Variants in MAGI2 observed in about 807,000 individuals in gnomAD.
The protein encoded by MAGI2 is membrane-associated guanylate kinase, WW and PDZ domain-containing protein 2.
In MAGI2, 35 loss-of-function variants were observed where a neutral mutation model predicts 133.3. The ratio of observed to expected loss-of-function variants is 0.26; its 90% CI spans 0.20 to 0.35. The LOEUF is 0.35. Among genes scored for constraint, MAGI2 ranks in the 10% least tolerant of loss-of-function variants. The probability of loss-of-function intolerance (pLI) is 1.00; values close to 1 mark genes in which losing one functional copy is unlikely to be tolerated. For synonymous variants in MAGI2, 729 were observed against 710.6 expected (o/e 1.03, Z -0.41); for missense variants, 1,636 against 1,863.4 (o/e 0.88, Z 2.25).
chr7:78,620,433 G>A (rs1324971580), intron 3 of MAGI2, among the ~76,000 whole-genome samples: 8 of 151,954 alleles, frequency 5.3e-5, no homozygotes, highest in Non-Finnish European at 1.0e-4. Context: ...GCAGTGTTTA[G>A]CTTAATTGCC....
intron 1 of MAGI2, among the ~76,000 whole-genome samples, chr7:79,300,026 A>G (rs1837273450): frequency 6.6e-6 from 1 of 152,194 alleles, no homozygotes; most frequent in Non-Finnish European, 1.5e-5. Context: ...CAGAAGCATG[A>G]GCCAATTAAG....
intron 1 of MAGI2, among the ~76,000 whole-genome samples, chr7:79,377,972 C>T (rs10244234): frequency 0.17 from 26,449 of 151,774 alleles, 2,581 homozygotes; most frequent in African/African-American, 0.26. Flanking sequence ...GTTCATTAAG[C>T]TGAACAGTGC....
intron 2 of MAGI2, among the ~76,000 whole-genome samples, chr7:78,757,305 T>TTCTCTCTCTCTC (rs3086250): frequency 1.1e-3 from 155 of 145,388 alleles, no homozygotes; most frequent in East Asian, 1.0e-2. Flanking sequence ...TTCTCCCTCC[T>TTCTCTCTCTCTC]TCTCTCTCTC....
chr7:79,038,847 T>G (rs774060471), intron 1 of MAGI2, among the ~76,000 whole-genome samples: 4 of 152,222 alleles, frequency 2.6e-5, no homozygotes, highest in African/African-American at 4.8e-5. Context: ...CTGTTGTTTT[T>G]AACCATGTCA....
intron 6 of MAGI2, among the ~76,000 whole-genome samples, chr7:78,370,496 T>TA (rs2151265214): frequency 6.6e-6 from 1 of 152,100 alleles, no homozygotes; most frequent in African/African-American, 2.4e-5. Flanking sequence ...GTAAATCTTT[T>TA]ATCATATTTC....
intron 2 of MAGI2, among the ~76,000 whole-genome samples, chr7:78,658,259 A>G (rs1033735423): frequency 6.6e-6 from 1 of 150,664 alleles, no homozygotes; most frequent in African/African-American, 2.4e-5. Context: ...TGCTTGAGCA[A>G]CTGAATATCC....
At chr7:78,314,338 T>C (rs1332077577) in intron 9 of MAGI2, among the ~76,000 whole-genome samples, 2 of 152,182 alleles carry the variant, frequency 1.3e-5, no homozygotes, top group African/African-American at 2.4e-5. Flanking sequence ...AAATGATGCC[T>C]TACAGCTCTC....
intron 2 of MAGI2, among the ~76,000 whole-genome samples, chr7:78,875,316 G>A (rs1795334609): frequency 6.6e-6 from 1 of 152,148 alleles, no homozygotes; most frequent in African/African-American, 2.4e-5. Context: ...GTCTTACAAG[G>A]AGGACAAAGC....
intron 18 of MAGI2, among the ~76,000 whole-genome samples, chr7:78,129,893 C>G (rs1017354312): frequency 6.9e-6 from 1 of 145,596 alleles, no homozygotes; most frequent in African/African-American, 2.6e-5. Context: ...CGAGATTGCA[C>G]CGTTGCACTC....
chr7:78,932,297 C>T (rs1448396968), intron 2 of MAGI2, among the ~76,000 whole-genome samples: 1 of 152,032 alleles, frequency 6.6e-6, no homozygotes. Flanking sequence ...GCAGATACCC[C>T]TGCGGGTCAT....
chr7:78,978,949 G>A (rs1421021841), intron 2 of MAGI2, among the ~76,000 whole-genome samples: 2 of 151,784 alleles, frequency 1.3e-5, no homozygotes, highest in Non-Finnish European at 2.9e-5. Flanking sequence ...TGGATGGTGA[G>A]AGCCAGGTTT....
intron 6 of MAGI2, among the ~76,000 whole-genome samples, chr7:78,455,834 G>A (rs1326668160): frequency 1.3e-5 from 2 of 151,930 alleles, no homozygotes; most frequent in Non-Finnish European, 2.9e-5. Context: ...TTCAAAGGTT[G>A]ACACTAAGTC....
chr7:78,234,893 C>T (rs1790366426), intron 10 of MAGI2, among the ~76,000 whole-genome samples: 1 of 152,076 alleles, frequency 6.6e-6, no homozygotes, highest in African/African-American at 2.4e-5. Context: ...AACAGCAGAG[C>T]ACATTTTTGA....
chr7:78,405,349 T>G (rs1379552331), intron 6 of MAGI2, among the ~76,000 whole-genome samples: 1 of 152,114 alleles, frequency 6.6e-6, no homozygotes, highest in Non-Finnish European at 1.5e-5. Flanking sequence ...GCACAAACCT[T>G]AAAATAGTTA....
At chr7:78,451,186 T>C (rs1402584760) in intron 6 of MAGI2, among the ~76,000 whole-genome samples, 1 of 152,100 alleles carries the variant, frequency 6.6e-6, no homozygotes, top group Non-Finnish European at 1.5e-5. Context: ...AATATTGATT[T>C]TGTGCAGAAT....
chr7:78,039,862 G>C (rs1384315026), intron 21 of MAGI2, among the ~76,000 whole-genome samples: 1 of 152,182 alleles, frequency 6.6e-6, no homozygotes, highest in Non-Finnish European at 1.5e-5. Context: ...AAAAATGTGG[G>C]GAGTTATTCC....
chr7:78,493,901 T>C (rs1226134606), intron 5 of MAGI2, among the ~76,000 whole-genome samples: 1 of 152,172 alleles, frequency 6.6e-6, no homozygotes, highest in East Asian at 1.9e-4. Context: ...TGAGGAGGCA[T>C]TGATAATACC....
intron 3 of MAGI2, among the ~76,000 whole-genome samples, chr7:78,527,006 C>CAAAAAAAAAAAAAAAAAAAAAAAAA (rs55707442): frequency 2.2e-4 from 10 of 45,406 alleles, no homozygotes; most frequent in African/African-American, 2.0e-4. Context: ...GACTCCATCT[C>CAAAAAAAAAAAAAAAAAAAAAAAAA]AAAAAAAAAA....
At chr7:78,282,207 C>T (rs1023830718) in intron 9 of MAGI2, among the ~76,000 whole-genome samples, 1 of 152,030 alleles carries the variant, frequency 6.6e-6, no homozygotes, top group Non-Finnish European at 1.5e-5. Context: ...GAGACTTAAA[C>T]TCATTTAGTG....
Sources: allele counts gnomAD v4.1 joint callset (sites outside exome capture counted in the v4.1 genomes callset), GRCh38; gene constraint gnomAD v4.1.1; transcripts MANE v1.5; gene names NCBI Gene and HGNC (gene_info 2026-07-23, HGNC 2026-07-21).